The following NCOR1 variants were observed in gnomAD, a reference collection of about 807,000 sequenced individuals.
NCOR1 encodes nuclear receptor corepressor 1.
Under a neutral mutation model 288.1 loss-of-function variants are expected in NCOR1, and 63 were observed. That is an observed-to-expected ratio of 0.22 (90% CI 0.18 to 0.27). The LOEUF (loss-of-function observed/expected upper bound fraction) is 0.27. NCOR1 is among the 10% of genes least tolerant of loss of function. The pLI, the probability that NCOR1 is intolerant of heterozygous loss-of-function variation, is 1.00. For missense variants in NCOR1, 2,397 were observed against 3,019.2 expected, an observed-to-expected ratio of 0.79 and a Z score of 4.83; for synonymous variants, 1,007 against 1,065.9, an observed-to-expected ratio of 0.94 and a Z score of 1.08.
chr17:16,044,489 C>T (rs1004252294), intron 42 of NCOR1: 3 of 476,686 alleles, frequency 6.3e-6, no homozygotes, highest in African/African-American at 6.0e-5. Context: ...TAAAGCAGAT[C>T]GTCCTTTCCT....
intron 23 of NCOR1, 48 bp from the exon 24 acceptor site, chr17:16,080,775 T>C (rs2152818592): frequency 1.3e-6 from 2 of 1,552,790 alleles, no homozygotes; most frequent in Non-Finnish European, 1.7e-6. Flanking sequence ...AACATTGTTT[T>C]TTTCACAAGG....
chr17:16,192,196 T>C (rs900929577), intron 2 of NCOR1: 2 of 146,560 alleles, frequency 1.4e-5, no homozygotes, highest in Admixed American at 1.4e-4. Context: ...TGAAAATCAA[T>C]GATAAAGAGA....
Position 16,048,967 on chromosome 17 carries a change from C to G in NCOR1, c.6414G>C (p.Glu2138Asp). ...AGGGCTCCGAAGAGACGTGACTCCT[C>G]TCTGGGGATTTTCCAGGCCTACTAT... is the stretch of plus-strand genomic sequence containing the variant. ...SRGSRPGKSP[E>D]RSHVSSEPYE... The change falls in exon 41 of 46, where the codon GAG (glutamate) becomes GAC (aspartate). Residue 2138 changes from glutamate to aspartate, a missense_variant. By Grantham distance (45) the Glu-to-Asp change is conservative (BLOSUM62 2). Around this residue, in one of 11 missense-constraint regions of NCOR1, gnomAD observed 1,872 missense variants for 2,187.8 expected, o/e 0.86. Transcript: ENST00000268712. 6.2e-7 allele frequency: 1 copy of G among 1,610,466 alleles called. No individual in the cohort carries two copies. Among genetic ancestry groups the G allele is most frequent in the East Asian group, 2.2e-5 (1 of 44,704 alleles).
At chr17:16,051,728 G>A (rs976231855) in intron 40 of NCOR1, among the ~76,000 whole-genome samples, 2 of 151,912 alleles carry the variant, frequency 1.3e-5, no homozygotes, top group Non-Finnish European at 2.9e-5. Flanking sequence ...TCTGACCAAC[G>A]TGGAGAAACC....
chr17:16,135,158 CAAAAAAAAAAAAAA>C (rs577308243), intron 14 of NCOR1, among the ~76,000 whole-genome samples: 1 of 35,890 alleles, frequency 2.8e-5, no homozygotes, highest in Non-Finnish European at 6.3e-5. Flanking sequence ...GACTCCATCT[CAAAAAAAAAAAAAA>C]AAAAAAAAAA....
At chr17:16,082,341 T>C (rs754166826) in intron 23 of NCOR1, among the ~76,000 whole-genome samples, 1 of 152,134 alleles carries the variant, frequency 6.6e-6, no homozygotes, top group Non-Finnish European at 1.5e-5. Flanking sequence ...ACAGAAAATA[T>C]TCCTGAGCTT....
chr17:16,049,491 G>A (rs1176907142), intron 40 of NCOR1: 1 of 152,230 alleles, frequency 6.6e-6, no homozygotes, highest in African/African-American at 2.4e-5. Context: ...TATTATGGCA[G>A]AGGGGTTCTC....
chr17:16,166,307 T>C (rs1325957564), intron 4 of NCOR1, among the ~76,000 whole-genome samples: 2 of 152,232 alleles, frequency 1.3e-5, no homozygotes, highest in Non-Finnish European at 2.9e-5. Context: ...CTTTAAGCCC[T>C]AGAGTTTATG....
intron 5 of NCOR1, among the ~76,000 whole-genome samples, chr17:16,160,781 G>C (rs949003930): frequency 6.6e-6 from 1 of 152,072 alleles, no homozygotes; most frequent in Non-Finnish European, 1.5e-5. Flanking sequence ...GACAGGGGGA[G>C]ACTCCATCTC....
intron 1 of NCOR1, among the ~76,000 whole-genome samples, chr17:16,201,358 G>C: frequency 6.6e-6 from 1 of 152,140 alleles, no homozygotes; most frequent in African/African-American, 2.4e-5. Context: ...CAGCACTTTG[G>C]GAGGCCGAGG....
chr17:16,091,444 G>T, intron 22 of NCOR1: 1 of 564,226 alleles, frequency 1.8e-6, no homozygotes. Flanking sequence ...GCCAGCGTCT[G>T]ATTGGAAATA....
At chr17:16,138,578 C>G (rs2153262444) in intron 12 of NCOR1, among the ~76,000 whole-genome samples, 2 of 152,274 alleles carry the variant, frequency 1.3e-5, no homozygotes, top group Admixed American at 1.3e-4. Flanking sequence ...GAGCGAGACT[C>G]CGTCTCAAAA....
chr17:16,060,203 T>C (rs950908529), intron 37 of NCOR1, among the ~76,000 whole-genome samples: 1 of 152,202 alleles, frequency 6.6e-6, no homozygotes, highest in Admixed American at 6.5e-5. Flanking sequence ...TGGAATTCAC[T>C]GACCAGTGAT....
intron 14 of NCOR1, among the ~76,000 whole-genome samples, chr17:16,126,657 A>G (rs2074106586): frequency 6.6e-6 from 1 of 152,240 alleles, no homozygotes; most frequent in Non-Finnish European, 1.5e-5. Flanking sequence ...TTTTGAGCGA[A>G]AGTCTACTTA....
At chr17:16,073,988 G>A (rs2062072162) in intron 27 of NCOR1, among the ~76,000 whole-genome samples, 1 of 152,218 alleles carries the variant, frequency 6.6e-6, no homozygotes, top group Non-Finnish European at 1.5e-5. Flanking sequence ...AATAAGAGTT[G>A]TTCAAGTCAA....
At chr17:16,209,004 G>A (rs571278927) in intron 1 of NCOR1, among the ~76,000 whole-genome samples, 1 of 152,238 alleles carries the variant, frequency 6.6e-6, no homozygotes, top group South Asian at 2.1e-4. Flanking sequence ...AACTCTAGCT[G>A]CTAAGCTCAT....
rs2058983241 is a variant in NCOR1, at chr17:16,048,916, A to C, written c.6465T>G (p.Val2155=). ...EPYEPISPPQ[V]PVVHEKQDSL... is the part of the protein sequence containing the mutation. ...TGTCCTGTTTCTCATGCACAACCGG[A>C]ACCTGGGGTGGGGAGATGGGCTCGT... Residue 2155 remains valine (V), a synonymous_variant, in exon 41 of 46, where the codon GTT becomes GTG. Transcript: ENST00000268712. 1 of 1,613,834 alleles carries C rather than the reference A, an allele frequency of 6.2e-7. No homozygotes were observed. Among genetic ancestry groups the C allele is most frequent in the Non-Finnish European group, 8.5e-7 (1 of 1,179,920 alleles).
chr17:16,214,177 G>C (rs901776016), intron 1 of NCOR1, among the ~76,000 whole-genome samples: 1 of 152,158 alleles, frequency 6.6e-6, no homozygotes, highest in Non-Finnish European at 1.5e-5. Flanking sequence ...CTGAGCCCGG[G>C]CAAGTACAAG....
chr17:16,092,650 T>C (rs1194330869), intron 21 of NCOR1, among the ~76,000 whole-genome samples: 1 of 13,188 alleles, frequency 7.6e-5, no homozygotes, highest in Non-Finnish European at 1.4e-4. Flanking sequence ...GATCCATTTA[T>C]ATATATATAT....
Sources: allele counts gnomAD v4.1 joint callset (sites outside exome capture counted in the v4.1 genomes callset), GRCh38; gene constraint gnomAD v4.1.1; regional missense constraint gnomAD v4.1.1; transcripts MANE v1.5; gene names NCBI Gene and HGNC (gene_info 2026-07-23, HGNC 2026-07-21).